Variants in TPP2 observed in about 807,000 individuals in gnomAD.
TPP2 encodes tripeptidyl peptidase 2.
In TPP2, 34 loss-of-function variants were observed where a neutral mutation model predicts 155.9. That is an observed-to-expected ratio of 0.22 (90% CI 0.17 to 0.29). TPP2 has a LOEUF of 0.29. Ranked by LOEUF, TPP2 falls within the 10% of genes least tolerant of loss-of-function variation. The probability of loss-of-function intolerance (pLI) is 1.00; values close to 1 mark genes in which losing one functional copy is unlikely to be tolerated. For missense variants in TPP2, 1,028 were observed against 1,522.3 expected, an observed-to-expected ratio of 0.68 and a Z score of 5.40; for synonymous variants, 510 against 529.4, an observed-to-expected ratio of 0.96 and a Z score of 0.50.
At chr13:102,620,769 A>G (rs1421784574) in intron 5 of TPP2, among the ~76,000 whole-genome samples, 3 of 152,340 alleles carry the variant, frequency 2.0e-5, no homozygotes, top group African/African-American at 7.2e-5. Flanking sequence ...TGTCACTCCA[A>G]ATGGAACAAA....
At chr13:102,665,496 C>T (rs150832871) in intron 27 of TPP2, among the ~76,000 whole-genome samples, 5 of 151,972 alleles carry the variant, frequency 3.3e-5, no homozygotes, top group Non-Finnish European at 5.9e-5. Context: ...GAGAAGCTTC[C>T]CTGGGTTTAT....
intron 21 of TPP2, among the ~76,000 whole-genome samples, chr13:102,648,180 T>G (rs1021774187): frequency 1.3e-4 from 20 of 152,170 alleles, no homozygotes; most frequent in Admixed American, 1.2e-3. Flanking sequence ...TGGTTTCCTG[T>G]TTTTTTCCTG....
chr13:102,626,500 G>T (rs622994), intron 6 of TPP2, among the ~76,000 whole-genome samples: 75,348 of 152,006 alleles, frequency 0.5, 19,051 homozygotes, highest in African/African-American at 0.6. Context: ...ACACATTTTG[G>T]TATTGTGTGT....
intron 1 of TPP2, among the ~76,000 whole-genome samples, chr13:102,598,263 G>C (rs75922673): frequency 6.6e-6 from 1 of 152,084 alleles, no homozygotes; most frequent in South Asian, 2.1e-4. Context: ...TCGTTGATCA[G>C]CCCCTGGCTA....
chr13:102,625,542 G>A (rs1881551621), intron 6 of TPP2, among the ~76,000 whole-genome samples: 1 of 152,098 alleles, frequency 6.6e-6, no homozygotes. Flanking sequence ...AGAATTCCAG[G>A]TGCTCTGTAT....
intron 27 of TPP2, among the ~76,000 whole-genome samples, chr13:102,668,600 C>A (rs778121336): frequency 1.3e-5 from 2 of 152,174 alleles, no homozygotes; most frequent in Non-Finnish European, 2.9e-5. Context: ...TATGTTACCC[C>A]CTTCCAGCCA....
chr13:102,619,473 A>T (rs1880997150), intron 5 of TPP2, among the ~76,000 whole-genome samples: 1 of 151,806 alleles, frequency 6.6e-6, no homozygotes, highest in South Asian at 2.1e-4. Flanking sequence ...TATTTCTTAA[A>T]CTTGTAGTCA....
chr13:102,669,685 C>A (rs1190411386), intron 27 of TPP2, among the ~76,000 whole-genome samples: 1 of 152,040 alleles, frequency 6.6e-6, no homozygotes, highest in Non-Finnish European at 1.5e-5. Flanking sequence ...TTTGTTTAGT[C>A]TTTGGGTAAG....
intron 29 of TPP2, among the ~76,000 whole-genome samples, chr13:102,677,605 TTAGCACTAAC>T (rs1490095481): frequency 1.3e-5 from 2 of 152,210 alleles, no homozygotes; most frequent in African/African-American, 4.8e-5. Context: ...CCAAAGGACC[TTAGCACTAAC>T]TACTCTGGCT....
At chr13:102,614,394 A>G (rs1164482102) in intron 3 of TPP2, among the ~76,000 whole-genome samples, 198 bp downstream of exon 3, 3 of 152,172 alleles carry the variant, frequency 2.0e-5, no homozygotes, top group African/African-American at 7.2e-5. Flanking sequence ...GTGATTCTTG[A>G]TCTTGGGTAC....
intron 2 of TPP2, among the ~76,000 whole-genome samples, chr13:102,609,934 T>A (rs919897819): frequency 1.3e-5 from 2 of 152,136 alleles, no homozygotes; most frequent in Admixed American, 6.5e-5. Flanking sequence ...TTGGGCAGGA[T>A]GTGGGATGGG....
chr13:102,628,691 C>G (rs1189250469), intron 8 of TPP2, among the ~76,000 whole-genome samples: 1 of 152,148 alleles, frequency 6.6e-6, no homozygotes, highest in Non-Finnish European at 1.5e-5. Context: ...CATCTCTCCC[C>G]CATTCCCATC....
chr13:102,638,610 C>A (rs904585962), intron 15 of TPP2, among the ~76,000 whole-genome samples: 1 of 152,218 alleles, frequency 6.6e-6, no homozygotes, highest in Non-Finnish European at 1.5e-5. Context: ...CAGGCTTCGT[C>A]TGACCCGATC....
chr13:102,646,639 C>T (rs1883120818), intron 20 of TPP2, among the ~76,000 whole-genome samples: 1 of 152,172 alleles, frequency 6.6e-6, no homozygotes, highest in Admixed American at 6.5e-5. Context: ...AATCACTGAT[C>T]ACTGTCCATT....
In TPP2 at chr13:102,638,376, A is replaced by G. The variant is rs1882529814; in HGVS notation, c.1913+61A>G. ...CTAAGATTTTAATGACTATTCATGG[A>G]GTCTTGTGGACTTTTAATGATCACT... On this transcript the variant is annotated intron_variant, in intron 15 of 29. Transcript: ENST00000376052. 4.6e-6 allele frequency: 7 copies of G among 1,524,540 alleles called. No homozygotes were observed. The East Asian group carries it at 1.4e-4, about 29-fold the overall frequency. 94.4% of individuals were successfully genotyped at this position (1,524,540 alleles called of 1,614,324 possible).
Position 102,604,768 on chromosome 13 carries a change from A to G in TPP2, c.166-25A>G, listed in dbSNP as rs202226322. The G allele has an allele frequency of 8.5e-5, 137 of 1,603,234 alleles. No individual in the cohort carries two copies. In the African/African-American group the frequency reaches 1.6e-3, roughly 19 times the overall value. On this transcript the variant is annotated intron_variant, in intron 1 of 29. Transcript: ENST00000376052. ...AATAAAAACCTAAAATCTACCATTC[A>G]TATTTTAATTTTCTTAATTTTCAGG...
intron 10 of TPP2, among the ~76,000 whole-genome samples, chr13:102,632,060 C>G (rs1276517916): frequency 3.9e-5 from 6 of 152,128 alleles, no homozygotes; most frequent in Non-Finnish European, 5.9e-5. Context: ...TCAAGACCAG[C>G]CTGGCCAACG....
At position 102,604,937 on chromosome 13, in the gene TPP2, T is replaced by C; in HGVS notation, c.294+16T>C. On this transcript the variant is annotated intron_variant, in intron 2 of 29. Coordinates refer to ENST00000376052, the MANE Select transcript of TPP2 (RefSeq NM_001330588.2). ...AGTGCTTAAGGTGAGACCTTTTGTC[T>C]TCTTTTTGAATTTTTTTTTTTTTAC... 1 of 1,596,610 alleles carries C rather than the reference T, an allele frequency of 6.3e-7. No homozygotes were observed.
rs960687411 is a variant in TPP2, at chr13:102,678,837, T to G, written c.*521T>G. 26 of 144,308 alleles carry G rather than the reference T, an allele frequency of 1.8e-4. No individual in the cohort carries two copies. Among genetic ancestry groups the G allele is most frequent in the African/African-American group, 6.9e-4 (26 of 37,812 alleles). The allele number at this position is 144,308 out of a possible 1,614,324, so 8.9% of individuals were successfully genotyped here. On this transcript the variant is annotated 3_prime_UTR_variant, in exon 30 of 30. Transcript: ENST00000376052. ...TTTTTTGGCAAATGTTTACATTCAATTAAGGGGAAAAAGTAGAACCAGCAC... is the reference window on the plus strand; with the variant it reads ...TTTTTTGGCAAATGTTTACATTCAAGTAAGGGGAAAAAGTAGAACCAGCAC...
Sources: allele counts gnomAD v4.1 joint callset (sites outside exome capture counted in the v4.1 genomes callset), GRCh38; gene constraint gnomAD v4.1.1; transcripts MANE v1.5; gene names NCBI Gene and HGNC (gene_info 2026-07-23, HGNC 2026-07-21).